The following KCNAB1 variants were observed in gnomAD, a reference collection of about 807,000 sequenced individuals.
KCNAB1 encodes the protein potassium voltage-gated channel subfamily A regulatory beta subunit 1.
A neutral mutation model predicts 64.6 loss-of-function variants in KCNAB1; 35 were observed. That is an observed-to-expected ratio of 0.54 (90% CI 0.41 to 0.72). The LOEUF (loss-of-function observed/expected upper bound fraction) is 0.72, where lower values mean the gene tolerates loss of function less well. Among genes scored for constraint, KCNAB1 ranks in the 30% least tolerant of loss-of-function variants. The probability of loss-of-function intolerance (pLI) is 0.00; values close to 1 mark genes in which losing one functional copy is unlikely to be tolerated. For synonymous variants in KCNAB1, 177 were observed against 183.8 expected (o/e 0.96, Z 0.30); for missense variants, 401 against 512.9 (o/e 0.78, Z 2.11).
At chr3:156,290,344 A>G (rs1720332493) in intron 1 of KCNAB1, among the ~76,000 whole-genome samples, 1 of 152,206 alleles carries the variant, frequency 6.6e-6, no homozygotes, top group African/African-American at 2.4e-5. Context: ...GTTGCGTTAA[A>G]TACTGGTTCT....
At chr3:156,204,724 T>TC (rs1263546702) in intron 1 of KCNAB1, among the ~76,000 whole-genome samples, 3 of 152,110 alleles carry the variant, frequency 2.0e-5, no homozygotes, top group Non-Finnish European at 4.4e-5. Flanking sequence ...TCCCAGCTAC[T>TC]CAGGAGGCTG....
intron 1 of KCNAB1, among the ~76,000 whole-genome samples, chr3:156,218,801 A>AAAAAAAATAAT (rs371264941): frequency 2.1e-4 from 24 of 112,210 alleles, no homozygotes; most frequent in Middle Eastern, 4.2e-3. Context: ...AAAAAAAAAA[A>AAAAAAAATAAT]AATAATAATA....
chr3:156,137,459 G>A (rs1025798343), intron 1 of KCNAB1, among the ~76,000 whole-genome samples: 11 of 151,920 alleles, frequency 7.2e-5, no homozygotes, highest in East Asian at 1.9e-4. Context: ...AGAAAATCTC[G>A]ACTAACAGGA....
intron 1 of KCNAB1, among the ~76,000 whole-genome samples, chr3:156,137,540 T>G (rs1714427047): frequency 6.6e-6 from 1 of 151,226 alleles, no homozygotes; most frequent in Non-Finnish European, 1.5e-5. Flanking sequence ...CTTGATGGAC[T>G]GCAAACTTCC....
chr3:156,203,830 A>C (rs916380136), intron 1 of KCNAB1, among the ~76,000 whole-genome samples: 1 of 152,226 alleles, frequency 6.6e-6, no homozygotes. Flanking sequence ...AATATTTTCT[A>C]AAGTTTACTC....
intron 1 of KCNAB1, among the ~76,000 whole-genome samples, chr3:156,255,736 TCACC>T: frequency 6.6e-6 from 1 of 152,326 alleles, no homozygotes; most frequent in East Asian, 1.9e-4. Flanking sequence ...AGAGTAAATA[TCACC>T]TCCTCCATGC....
intron 1 of KCNAB1, among the ~76,000 whole-genome samples, chr3:156,122,780 G>T (rs1053017826): frequency 1.3e-5 from 2 of 152,136 alleles, no homozygotes; most frequent in African/African-American, 4.8e-5. Context: ...AGGAAGAAAC[G>T]AGTATGTGTA....
chr3:156,255,590 G>T (rs907030794), intron 1 of KCNAB1, among the ~76,000 whole-genome samples: 4 of 152,048 alleles, frequency 2.6e-5, no homozygotes, highest in African/African-American at 9.7e-5. Context: ...TGCCTGCTGT[G>T]GTCTGCATTT....
intron 1 of KCNAB1, among the ~76,000 whole-genome samples, chr3:156,317,636 G>A (rs373660627): frequency 9.2e-5 from 14 of 152,114 alleles, no homozygotes; most frequent in South Asian, 2.1e-4. Context: ...TCCACCTAGC[G>A]GAAGAGAAGA....
At chr3:156,367,574 T>C (rs114782535) in intron 1 of KCNAB1, among the ~76,000 whole-genome samples, 2,117 of 152,270 alleles carry the variant, frequency 0.014, 18 homozygotes, top group South Asian at 0.031. Flanking sequence ...CAACCAAAAA[T>C]TGATAATTCA....
At chr3:156,377,323 C>A (rs1560225880) in intron 1 of KCNAB1, among the ~76,000 whole-genome samples, 1 of 152,124 alleles carries the variant, frequency 6.6e-6, no homozygotes, top group African/African-American at 2.4e-5. Context: ...AGGTCACAAG[C>A]CTACCTGTGA....
At chr3:156,170,154 A>G (rs1470515662) in intron 1 of KCNAB1, among the ~76,000 whole-genome samples, 1 of 151,818 alleles carries the variant, frequency 6.6e-6, no homozygotes, top group East Asian at 1.9e-4. Flanking sequence ...AATTAGGATC[A>G]ATTGAACAAT....
At chr3:156,159,557 C>T (rs1007963836) in intron 1 of KCNAB1, among the ~76,000 whole-genome samples, 1 of 152,194 alleles carries the variant, frequency 6.6e-6, no homozygotes, top group Non-Finnish European at 1.5e-5. Context: ...AGTACAATTA[C>T]ACAAGTGCCA....
rs187348492 is a variant in KCNAB1 at position 156,143,082 on chromosome 3, A to C, written c.275+22196A>C. 287 of 1,460,946 alleles carry C rather than the reference A, an allele frequency of 2.0e-4. No individual in the cohort carries two copies. In the African/African-American group the frequency reaches 3.7e-3, roughly 19 times the overall value. 90.5% of individuals were successfully genotyped at this position (1,460,946 alleles called of 1,614,324 possible). A position where few individuals can be genotyped will look rare whatever the true frequency, so the allele number is the denominator to read the frequency against. ...ACAAGCTAAACCTTTTGAGGGACAT[A>C]CTGAAGCCAGATAACCCAAGGTATT... On this transcript the variant is annotated intron_variant, in intron 1 of 13. Transcript: ENST00000490337.
chr3:156,465,981 G>A (rs371117298), intron 7 of KCNAB1, among the ~76,000 whole-genome samples: 1 of 152,250 alleles, frequency 6.6e-6, no homozygotes, highest in East Asian at 1.9e-4. Context: ...GAGATATAAT[G>A]TACGTATCAT....
At chr3:156,189,384 C>T (rs1235353642) in intron 1 of KCNAB1, among the ~76,000 whole-genome samples, 3 of 152,220 alleles carry the variant, frequency 2.0e-5, no homozygotes, top group Non-Finnish European at 2.9e-5. Context: ...AGCAGCCACC[C>T]ACTGGCATTG....
intron 3 of KCNAB1, among the ~76,000 whole-genome samples, chr3:156,456,504 A>T (rs1395983242): frequency 6.6e-6 from 1 of 152,248 alleles, no homozygotes; most frequent in East Asian, 1.9e-4. Flanking sequence ...GTAATAGCAT[A>T]CTATTATGCT....
rs565916229 is a variant in KCNAB1 at position 156,183,844 on chromosome 3, T to C, written c.275+62958T>C. Among the ~76,000 whole-genome samples, 60 of 152,316 alleles carry C rather than the reference T, an allele frequency of 3.9e-4. 1 individual carries two copies. In the South Asian group the frequency reaches 5.2e-3, roughly 13 times the overall value. On this transcript the variant is annotated intron_variant, in intron 1 of 13. Transcript: ENST00000490337. ...TATGAGAGTGGCATGAGAAAAAGTATAAGTATAAATGCTCTGTAAGTGCTA... is the reference window on the plus strand; with the variant it reads ...TATGAGAGTGGCATGAGAAAAAGTACAAGTATAAATGCTCTGTAAGTGCTA...
intron 2 of KCNAB1, among the ~76,000 whole-genome samples, chr3:156,431,913 T>C (rs58463289): frequency 0.027 from 4,160 of 152,230 alleles, 194 homozygotes; most frequent in African/African-American, 0.094. Flanking sequence ...TTGGCTCTGG[T>C]TGGTTTATGT....
Sources: allele counts gnomAD v4.1 joint callset (sites outside exome capture counted in the v4.1 genomes callset), GRCh38; gene constraint gnomAD v4.1.1; transcripts MANE v1.5; gene names NCBI Gene and HGNC (gene_info 2026-07-23, HGNC 2026-07-21).